The following RNF180 variants were observed in gnomAD, a reference collection of about 807,000 sequenced individuals.
RNF180 encodes the protein ring finger protein 180, also known as E3 ubiquitin-protein ligase RNF180.
A neutral mutation model predicts 59.2 loss-of-function variants in RNF180; 38 were observed. That is an observed-to-expected ratio of 0.64 (90% CI 0.50 to 0.84). RNF180 has a LOEUF of 0.84. Ranked by LOEUF, RNF180 falls within the 40% of genes least tolerant of loss-of-function variation. The pLI, the probability that RNF180 is intolerant of heterozygous loss-of-function variation, is 0.00. For synonymous variants in RNF180, 262 were observed against 240.3 expected (o/e 1.09, Z -0.84); for missense variants, 705 against 700.9 (o/e 1.01, Z -0.07).
chr5:64,330,456 C>T (rs1293780506), intron 7 of RNF180, 50 bp downstream of exon 7: 2 of 1,498,540 alleles, frequency 1.3e-6, no homozygotes, highest in African/African-American at 1.4e-5. Flanking sequence ...TGTCTAAGGT[C>T]TGTTCTTAAA....
At chr5:64,188,995 T>C (rs1751005222) in intron 1 of RNF180, among the ~76,000 whole-genome samples, 2 of 151,926 alleles carry the variant, frequency 1.3e-5, no homozygotes, top group South Asian at 4.2e-4. Context: ...AGTGTAATTG[T>C]AAGAAGAGGA....
Position 64,313,859 on chromosome 5 carries a change from A to T in RNF180, c.1228-11327A>T, listed in dbSNP as rs1415498775. 4.6e-5 allele frequency among the ~76,000 whole-genome samples: 7 copies of T among 152,140 alleles called. No individual in the cohort carries two copies. In the East Asian group the frequency reaches 1.4e-3, roughly 29 times the overall value. ...AATAATAGCCATTCTGACTGTTGTG[A>T]AATGGTATCTTGTTGTGGCTTTGAT... On this transcript the variant is annotated intron_variant, in intron 5 of 7. Transcript: ENST00000389100.
At chr5:64,345,181 TTTAGGAAAGCAAGGAGAG>T (rs1286164168) in intron 7 of RNF180, among the ~76,000 whole-genome samples, 1 of 152,142 alleles carries the variant, frequency 6.6e-6, no homozygotes, top group Non-Finnish European at 1.5e-5. Flanking sequence ...ACTCTTCTAA[TTTAGGAAAGCAAGGAGAG>T]CTTTGAAATC....
rs767563672 is a variant in RNF180, at chr5:64,213,689, T to A, written c.363T>A (p.Asp121Glu). 4.3e-6 allele frequency: 7 copies of A among 1,614,026 alleles called. No individual in the cohort carries two copies. The highest frequency in any genetic ancestry group is 5.9e-6 in the Non-Finnish European group (7 of 1,180,010). ...TACATCTCTCCAAGAGCCGGACTGATTATCAGCCAACACAGGCAGGCAGAC... is the reference window on the plus strand; with the variant it reads ...TACATCTCTCCAAGAGCCGGACTGAATATCAGCCAACACAGGCAGGCAGAC... ...AAVHLSKSRT[D>E]YQPTQAGRLM... Residue 121 changes from aspartate to glutamate, a missense_variant, in exon 4 of 8, where the codon GAT (aspartate) becomes GAA (glutamate). Coordinates refer to ENST00000389100, the MANE Select transcript of RNF180 (RefSeq NM_001113561.2).
chr5:64,199,014 C>T (rs1751594806), intron 1 of RNF180, among the ~76,000 whole-genome samples: 1 of 152,166 alleles, frequency 6.6e-6, no homozygotes, highest in Non-Finnish European at 1.5e-5. Context: ...GACAGAGTTT[C>T]ACCATGTTGG....
intron 5 of RNF180, among the ~76,000 whole-genome samples, chr5:64,322,297 T>G (rs568497504): frequency 1.5e-4 from 23 of 151,810 alleles, no homozygotes; most frequent in African/African-American, 4.8e-4. Flanking sequence ...ATAAGAAACT[T>G]AAATTTAAAG....
intron 5 of RNF180, among the ~76,000 whole-genome samples, chr5:64,288,228 C>G (rs1742390668): frequency 6.6e-6 from 1 of 152,102 alleles, no homozygotes; most frequent in Non-Finnish European, 1.5e-5. Flanking sequence ...GGTCTTACTT[C>G]TGAGTTCACT....
intron 5 of RNF180, among the ~76,000 whole-genome samples, chr5:64,234,863 C>T (rs1051349849): frequency 1.1e-4 from 16 of 152,044 alleles, no homozygotes; most frequent in South Asian, 8.3e-4. Flanking sequence ...CCTCCCGAGG[C>T]GCTGGGATTA....
chr5:64,334,413 C>G (rs1745036718), intron 7 of RNF180, among the ~76,000 whole-genome samples: 1 of 152,114 alleles, frequency 6.6e-6, no homozygotes, highest in Admixed American at 6.5e-5. Context: ...TACAACAAAT[C>G]TGGCTTTTTC....
intron 5 of RNF180, among the ~76,000 whole-genome samples, chr5:64,256,400 A>G (rs1343848516): frequency 3.3e-5 from 5 of 152,174 alleles, no homozygotes; most frequent in Non-Finnish European, 7.3e-5. Flanking sequence ...AAGGGAATCC[A>G]GTTTCAGCTT....
At chr5:64,317,602 A>G (rs1749464226) in intron 5 of RNF180, among the ~76,000 whole-genome samples, 1 of 123,790 alleles carries the variant, frequency 8.1e-6, no homozygotes, top group African/African-American at 3.9e-5. Context: ...ATTTATACAC[A>G]CACACACACA....
chr5:64,191,869 A>C (rs1751177831), intron 1 of RNF180, among the ~76,000 whole-genome samples: 1 of 152,232 alleles, frequency 6.6e-6, no homozygotes, highest in South Asian at 2.1e-4. Context: ...ATGCTTTCCA[A>C]GACTAATGCC....
chr5:64,366,782 GA>G (rs1289985489), intron 7 of RNF180, among the ~76,000 whole-genome samples: 1 of 151,552 alleles, frequency 6.6e-6, no homozygotes, highest in African/African-American at 2.4e-5. Flanking sequence ...TCCCAGAGAT[GA>G]AGTGAAAACG....
chr5:64,342,197 T>G (rs913589261), intron 7 of RNF180, among the ~76,000 whole-genome samples: 2 of 152,078 alleles, frequency 1.3e-5, no homozygotes, highest in Non-Finnish European at 2.9e-5. Flanking sequence ...GGGGGGAAAT[T>G]ATAAGTTACA....
chr5:64,330,772 G>A (rs1228447623), intron 7 of RNF180, among the ~76,000 whole-genome samples: 5 of 152,232 alleles, frequency 3.3e-5, no homozygotes, highest in Non-Finnish European at 7.3e-5. Context: ...CAGTCGGGGA[G>A]GCACAAGCCA....
chr5:64,352,084 G>T (rs1397632632), intron 7 of RNF180, among the ~76,000 whole-genome samples: 1 of 152,034 alleles, frequency 6.6e-6, no homozygotes, highest in Non-Finnish European at 1.5e-5. Context: ...TTCAGAGCCT[G>T]TTATTGGTCT....
At chr5:64,211,354 C>T (rs578061823) in intron 2 of RNF180, among the ~76,000 whole-genome samples, 1 of 152,240 alleles carries the variant, frequency 6.6e-6, no homozygotes, top group African/African-American at 2.4e-5. Flanking sequence ...GATTAATGCT[C>T]AATGTGCTGC....
intron 7 of RNF180, among the ~76,000 whole-genome samples, chr5:64,344,606 G>A (rs1745484246): frequency 6.6e-6 from 1 of 152,116 alleles, no homozygotes; most frequent in Non-Finnish European, 1.5e-5. Context: ...TTTGGGGCTT[G>A]TGTTATTAGC....
At position 64,325,384 on chromosome 5, in the gene RNF180, A is replaced by G; in HGVS notation, c.1426A>G (p.Ile476Val). The G allele has an allele frequency of 6.4e-7, 1 of 1,551,338 alleles. No individual in the cohort carries two copies. Among genetic ancestry groups the G allele is most frequent in the South Asian group, 1.2e-5 (1 of 84,052 alleles). ...SSTPCPLCRTIISRVFFQTEL... is the reference protein window; with the variant it reads ...SSTPCPLCRTVISRVFFQTEL... ...CACTCCATGCCCATTGTGTCGGACA[A>G]TTATTTCTAGAGTCTTTTTCCAAAC... Residue 476 changes from isoleucine (I) to valine (V), a missense_variant, in exon 6 of 8, where the codon ATT becomes GTT. Coordinates refer to ENST00000389100, the MANE Select transcript of RNF180 (RefSeq NM_001113561.2).
Sources: allele counts gnomAD v4.1 joint callset (sites outside exome capture counted in the v4.1 genomes callset), GRCh38; gene constraint gnomAD v4.1.1; transcripts MANE v1.5; gene names NCBI Gene and HGNC (gene_info 2026-07-23, HGNC 2026-07-21).